Variants in MARK3 observed in about 807,000 individuals in gnomAD.
MARK3 encodes MAP/microtubule affinity-regulating kinase 3.
Under a neutral mutation model 90.1 loss-of-function variants are expected in MARK3, and 46 were observed. The ratio of observed to expected loss-of-function variants is 0.51; its 90% CI spans 0.40 to 0.65. The LOEUF (loss-of-function observed/expected upper bound fraction) is 0.65. MARK3 is among the 30% of genes least tolerant of loss of function. MARK3 has a pLI of 0.00. For missense variants in MARK3, 818 were observed against 947.2 expected (o/e 0.86, Z 1.79); for synonymous variants, 321 against 332.6 (o/e 0.97, Z 0.38).
In MARK3 at chr14:103,412,078, G is replaced by GC. The variant is rs1555374942; in HGVS notation, c.243+6811_243+6812insC. The stretch of plus-strand genomic sequence containing the variant: ...GGGATTAGTTGGTTTTTTGTTTTTT[G>GC]TTTTTTTTACTAGTAGCAGTAGAAT... On this transcript the variant is annotated intron_variant, in intron 2 of 17. Transcript: ENST00000429436. 7 of 549,724 alleles carry GC rather than the reference G, an allele frequency of 1.3e-5. No individual in the cohort carries two copies. In the East Asian group the frequency reaches 2.1e-4, roughly 17 times the overall value. The allele number at this position is 549,724 out of a possible 1,614,324, so 34.1% of individuals were successfully genotyped here.
intron 2 of MARK3, among the ~76,000 whole-genome samples, chr14:103,425,408 A>G (rs1478123182): frequency 6.6e-6 from 1 of 151,012 alleles, no homozygotes; most frequent in Non-Finnish European, 1.5e-5. Flanking sequence ...GATTATAGGC[A>G]TCCGCCACCA....
intron 2 of MARK3, among the ~76,000 whole-genome samples, chr14:103,427,909 GCTCCTCCT>G (rs2092463316): frequency 6.6e-6 from 1 of 152,152 alleles, no homozygotes; most frequent in Non-Finnish European, 1.5e-5. Flanking sequence ...CTTCTGCCAA[GCTCCTCCT>G]ATCTCACCCT....
rs553685614 is a variant in MARK3, at chr14:103,399,683, G to C, written c.52-5393G>C. Among the ~76,000 whole-genome samples, 5 of 133,662 alleles carry C rather than the reference G, an allele frequency of 3.7e-5. No individual in the cohort carries two copies. In the South Asian group the frequency reaches 1.2e-3, roughly 32 times the overall value. 87.7% of individuals were successfully genotyped at this position (133,662 alleles called of 152,430 possible). A position where few individuals can be genotyped will look rare whatever the true frequency, so the allele number is the denominator to read the frequency against. On this transcript the variant is annotated intron_variant, in intron 1 of 17. Coordinates refer to ENST00000429436, the MANE Select transcript of MARK3 (RefSeq NM_001128918.3). ...CACTGCACTCCAGCCTGGGGCAACA[G>C]AGTGAGACTCCATCTCAAAAAAAAA... is the stretch of plus-strand genomic sequence containing the variant.
intron 11 of MARK3, 192 bp from the exon 12 acceptor site, chr14:103,467,841 C>T: frequency 2.0e-6 from 1 of 489,872 alleles, no homozygotes; most frequent in African/African-American, 2.0e-5. Context: ...AAATACCTTA[C>T]CTTTAGTGTC....
At chr14:103,420,315 T>C (rs1023151565) in intron 2 of MARK3, among the ~76,000 whole-genome samples, 6 of 152,140 alleles carry the variant, frequency 3.9e-5, no homozygotes, top group African/African-American at 1.2e-4. Context: ...TGCAGCTCTC[T>C]ACCTCCTGGG....
chr14:103,438,486 G>A (rs1239486864), intron 3 of MARK3, among the ~76,000 whole-genome samples: 1 of 152,140 alleles, frequency 6.6e-6, no homozygotes, highest in African/African-American at 2.4e-5. Flanking sequence ...CTTTCCATAT[G>A]GGAAGGATAA....
At chr14:103,440,919 G>A (rs1233715462) in intron 3 of MARK3, among the ~76,000 whole-genome samples, 52 of 140,646 alleles carry the variant, frequency 3.7e-4, no homozygotes, top group African/African-American at 1.2e-3. Flanking sequence ...CAGGGTAACA[G>A]AGCAGGAGCC....
rs112963992 is a variant in MARK3 at position 103,389,087 on chromosome 14, G to C, written c.51+3007G>C. ...GATCAAGACTAAGAAAAGGCAGGCC[G>C]GGTGTGGTGGCTCATACCTGTAATC... is the stretch of plus-strand genomic sequence containing the variant. On this transcript the variant is annotated intron_variant, in intron 1 of 17. Transcript: ENST00000429436. 1.4e-3 allele frequency among the ~76,000 whole-genome samples: 206 copies of C among 152,232 alleles called. 1 individual carries two copies. Among genetic ancestry groups the C allele is most frequent in the African/African-American group, 4.7e-3 (197 of 41,548 alleles).
At position 103,405,476 on chromosome 14, in the gene MARK3, G is replaced by A. The variant is rs185909771; in HGVS notation, c.243+209G>A. ...CACCATTCTCCTGCCTCAGCCTCCC[G>A]AGTAGCTGGCAGTACAGGTGCCCGC... On this transcript the variant is annotated intron_variant, in intron 2 of 17. Coordinates refer to ENST00000429436, the MANE Select transcript of MARK3 (RefSeq NM_001128918.3). 1.0e-3 allele frequency among the ~76,000 whole-genome samples: 159 copies of A among 152,042 alleles called. 5 individuals carry two copies. In the East Asian group the frequency reaches 0.026, roughly 25 times the overall value.
chr14:103,453,933 T>C (rs1566871818), intron 5 of MARK3, among the ~76,000 whole-genome samples: 1 of 152,246 alleles, frequency 6.6e-6, no homozygotes. Context: ...ATAGCCTTTC[T>C]AGTTTGTTGG....
At chr14:103,497,943 G>A (rs1279745798) in intron 15 of MARK3, among the ~76,000 whole-genome samples, 1 of 152,176 alleles carries the variant, frequency 6.6e-6, no homozygotes, top group East Asian at 1.9e-4. Flanking sequence ...TCTGGCCATT[G>A]CAGTGGCTCA....
chr14:103,475,796 T>C (rs2093704079), intron 13 of MARK3, among the ~76,000 whole-genome samples: 1 of 151,984 alleles, frequency 6.6e-6, no homozygotes, highest in Non-Finnish European at 1.5e-5. Context: ...AATACAAAAA[T>C]TAGCTGGGCG....
chr14:103,461,197 A>G (rs1218653807), intron 6 of MARK3, among the ~76,000 whole-genome samples: 1 of 152,222 alleles, frequency 6.6e-6, no homozygotes, highest in East Asian at 1.9e-4. Flanking sequence ...ATGTAATCAT[A>G]TGTGTCTAAA....
intron 12 of MARK3, among the ~76,000 whole-genome samples, chr14:103,468,949 G>A (rs975643429): frequency 4.6e-5 from 7 of 151,804 alleles, no homozygotes; most frequent in South Asian, 2.1e-4. Flanking sequence ...GCGCTGTACC[G>A]AACTGAATAG....
chr14:103,479,593 G>A (rs1001005432), intron 13 of MARK3, among the ~76,000 whole-genome samples: 11 of 145,498 alleles, frequency 7.6e-5, no homozygotes, highest in Admixed American at 4.1e-4. Flanking sequence ...ATGATATTGG[G>A]CATCTTTTCA....
chr14:103,500,670 C>T (rs1414848100), intron 17 of MARK3, among the ~76,000 whole-genome samples: 2 of 151,774 alleles, frequency 1.3e-5, no homozygotes, highest in Admixed American at 1.3e-4. Flanking sequence ...CGCTCTGTCA[C>T]CCAGTCTGGA....
intron 13 of MARK3, among the ~76,000 whole-genome samples, chr14:103,477,950 G>A (rs1479827680): frequency 1.3e-5 from 2 of 150,510 alleles, no homozygotes; most frequent in African/African-American, 2.4e-5. Context: ...AGTGAGTCAT[G>A]GTCACATCAC....
intron 17 of MARK3, 100 bp downstream of exon 17, chr14:103,500,300 T>A: frequency 1.1e-6 from 1 of 897,006 alleles, no homozygotes; most frequent in Non-Finnish European, 1.7e-6. Context: ...GTATTCCTGC[T>A]GTCTCTGTAG....
rs548354791 is a variant in MARK3 at position 103,465,822 on chromosome 14, C to G, written c.777+29C>G. 121 of 1,581,304 alleles carry G rather than the reference C, an allele frequency of 7.7e-5. 1 individual carries two copies. The South Asian group carries it at 1.2e-3, about 16-fold the overall frequency. ...TAAGAAGCTGCACCCATGTACTTCA[C>G]TAAACTAAAAGAAGTTTCCTAATAT... On this transcript the variant is annotated intron_variant, in intron 8 of 17. Coordinates refer to ENST00000429436, the MANE Select transcript of MARK3 (RefSeq NM_001128918.3).
Sources: allele counts gnomAD v4.1 joint callset (sites outside exome capture counted in the v4.1 genomes callset), GRCh38; gene constraint gnomAD v4.1.1; transcripts MANE v1.5; gene names NCBI Gene and HGNC (gene_info 2026-07-23, HGNC 2026-07-21).